Variants in NRXN2 observed in about 807,000 individuals in gnomAD.
NRXN2 encodes neurexin 2.
Under a neutral mutation model 128.8 loss-of-function variants are expected in NRXN2, and 29 were observed. That is an observed-to-expected ratio of 0.23 (90% confidence interval 0.17 to 0.31). The LOEUF is 0.31. Ranked by LOEUF, NRXN2 falls within the 10% of genes least tolerant of loss-of-function variation. The pLI is 1.00. For synonymous variants in NRXN2, 1,098 were observed against 1,075.2 expected (o/e 1.02, Z -0.41); for missense variants, 1,881 against 2,452.6 (o/e 0.77, Z 4.92).
rs142511257 is a variant in NRXN2 at position 64,650,465 on chromosome 11, C to T, written c.3092G>A (p.Arg1031Gln). ...RTVTQHSNGA[R>Q]NLDLKGELYI... is the part of the protein sequence containing the mutation. ...AGCCCCACCTTTGAGATCGAGGTTT[C>T]GGGCGCCATTGGAGTGCTGCGTGAC... Residue 1031 changes from arginine to glutamine, a missense_variant, in exon 15 of 23, where the codon CGA (arginine) becomes CAA (glutamine). Physicochemically the swap from Arg to Gln is conservative, Grantham distance 43. Around this residue, in one of 7 missense-constraint regions of NRXN2, gnomAD observed 390 missense variants for 599.6 expected, o/e 0.65. Transcript: ENST00000265459. 228 of 1,614,136 alleles carry T rather than the reference C, an allele frequency of 1.4e-4. No individual in the cohort carries two copies. The highest frequency in any genetic ancestry group is 1.8e-4 in the Non-Finnish European group (209 of 1,180,026).
intron 6 of NRXN2, among the ~76,000 whole-genome samples, chr11:64,683,051 C>A (rs891618287): frequency 1.3e-5 from 2 of 152,180 alleles, no homozygotes; most frequent in South Asian, 2.1e-4. Flanking sequence ...GGAATGGAGA[C>A]CCCTCAGTGC....
rs772151527 is a variant in NRXN2, at chr11:64,685,852, G to C, written c.946C>G (p.Leu316Val). The C allele has an allele frequency of 1.9e-6, 3 of 1,614,138 alleles. No individual in the cohort carries two copies. The highest frequency in any genetic ancestry group is 3.3e-5 in the Admixed American group (2 of 60,012). Residue 316 changes from leucine (L) to valine (V), a missense_variant, in exon 6 of 23, where the codon CTG becomes GTG. Leu to Val is a conservative substitution (Grantham distance 32). Around this residue, in one of 7 missense-constraint regions of NRXN2, gnomAD observed 997 missense variants for 1,240.8 expected, o/e 0.80. Transcript: ENST00000265459. ...PIQSSTDEITLAFRTLQRNGL... is the reference protein window; with the variant it reads ...PIQSSTDEITVAFRTLQRNGL... ...TTGCGTTGCAGGGTGCGGAAGGCCA[G>C]TGTGATCTCATCAGTGCTGCTCTGG... is the stretch of plus-strand genomic sequence containing the variant.
intron 15 of NRXN2, 25 bp downstream of exon 15, chr11:64,650,423 C>A: frequency 6.2e-7 from 1 of 1,613,234 alleles, no homozygotes; most frequent in Non-Finnish European, 8.5e-7. Context: ...TAGGGCCAGG[C>A]CTTCTCCAGA....
intron 22 of NRXN2, among the ~76,000 whole-genome samples, chr11:64,616,867 G>A (rs1031042804): frequency 9.9e-5 from 15 of 152,204 alleles, no homozygotes; most frequent in Non-Finnish European, 2.9e-5. Flanking sequence ...ACACACACAA[G>A]TGTGAACCTC....
chr11:64,693,113 A>G (rs948098393), intron 3 of NRXN2, among the ~76,000 whole-genome samples: 1 of 151,172 alleles, frequency 6.6e-6, no homozygotes, highest in Admixed American at 6.6e-5. Flanking sequence ...GGAGGGCACA[A>G]CAGGGGAAGA....
chr11:64,667,827 A>C lies in NRXN2; in HGVS notation c.1360-139T>G. The C allele has an allele frequency of 1.3e-6, 1 of 769,304 alleles. No homozygotes were observed. Among genetic ancestry groups the C allele is most frequent in the East Asian group, 2.6e-5 (1 of 37,992 alleles). 47.7% of individuals were successfully genotyped at this position (769,304 alleles called of 1,614,324 possible). ...CTCAGTTCCACCAGACCACCCGCTT[A>C]GGCCTCTGTTCTACAGCTTCAGACA... On this transcript the variant is annotated intron_variant, in intron 8 of 22. Coordinates refer to ENST00000265459, the MANE Select transcript of NRXN2 (RefSeq NM_015080.4). The surrounding 1 kb of genome is among the most constrained non-coding windows in gnomAD (Gnocchi z 5.6).
chr11:64,701,921 G>A (rs71526467), intron 2 of NRXN2, among the ~76,000 whole-genome samples: 27,541 of 125,664 alleles, frequency 0.22, 3,226 homozygotes, highest in East Asian at 0.47. Flanking sequence ...TCAGCCCCCC[G>A]CCCGGCCAGC....
At chr11:64,652,559 TG>T (rs1388705141) in intron 12 of NRXN2, among the ~76,000 whole-genome samples, 1 of 152,134 alleles carries the variant, frequency 6.6e-6, no homozygotes, top group African/African-American at 2.4e-5. Context: ...TCAGTGAGTG[TG>T]GCCAGAAGCT....
chr11:64,687,183 T>C (rs1036331513), intron 5 of NRXN2, among the ~76,000 whole-genome samples: 2 of 152,210 alleles, frequency 1.3e-5, no homozygotes, highest in Non-Finnish European at 2.9e-5. Flanking sequence ...TCTCAATAGA[T>C]GCTCCCAATG....
At chr11:64,694,855 C>T (rs1397205363) in intron 3 of NRXN2, among the ~76,000 whole-genome samples, 1 of 152,148 alleles carries the variant, frequency 6.6e-6, no homozygotes, top group African/African-American at 2.4e-5. Flanking sequence ...CTCTGCCCAC[C>T]CCCAGCCCAG....
At chr11:64,709,190 C>CAAAAAA (rs112450142) in intron 2 of NRXN2, among the ~76,000 whole-genome samples, 3 of 83,434 alleles carry the variant, frequency 3.6e-5, no homozygotes, top group Non-Finnish European at 8.3e-5. Context: ...GACTCCATCT[C>CAAAAAA]AAAAAAAAAA....
chr11:64,667,077 T>C lies in NRXN2; in HGVS notation c.1798+173A>G, dbSNP rs192783768. Among the ~76,000 whole-genome samples the C allele has an allele frequency of 1.3e-5, 2 of 152,222 alleles. No homozygotes were observed. Among genetic ancestry groups the C allele is most frequent in the Non-Finnish European group, 2.9e-5 (2 of 68,008 alleles). ...CCAAATGCTGTGCTCTTTCTGCCAA[T>C]GTCCGATGACAGAAAGGACAATTGG... On this transcript the variant is annotated intron_variant, in intron 9 of 22. Transcript: ENST00000265459. The surrounding 1 kb of genome is among the most constrained non-coding windows in gnomAD (Gnocchi z 5.6).
Position 64,623,460 on chromosome 11 carries a change from T to G in NRXN2, c.3848-382A>C, listed in dbSNP as rs903807182. On this transcript the variant is annotated intron_variant, in intron 20 of 22. Transcript: ENST00000265459. This position sits in a 1 kb window ranked among gnomAD's most constrained non-coding sequence, Gnocchi z 4.9. ...TCAGTCCATCCCCATCTTCTCCCTC[T>G]GCTTCCCCAAACATCCTGCCCCAGT... The G allele has an allele frequency of 3.6e-6, 1 of 280,880 alleles. No homozygotes were observed. The highest frequency in any genetic ancestry group is 6.9e-6 in the Non-Finnish European group (1 of 145,074). The allele number at this position is 280,880 out of a possible 1,614,324, so 17.4% of individuals were successfully genotyped here.
intron 22 of NRXN2, among the ~76,000 whole-genome samples, chr11:64,617,871 A>T (rs1225148176): frequency 6.6e-6 from 1 of 152,186 alleles, no homozygotes; most frequent in Non-Finnish European, 1.5e-5. Context: ...GTGGACGTGT[A>T]AGCATGTGCG....
chr11:64,620,237 C>T, intron 22 of NRXN2, 57 bp downstream of exon 22: 1 of 1,401,500 alleles, frequency 7.1e-7, no homozygotes, highest in East Asian at 2.5e-5. Flanking sequence ...ACAGTCGCCC[C>T]CCTCCCAGCA....
At chr11:64,698,762 C>T (rs1042726525) in intron 2 of NRXN2, among the ~76,000 whole-genome samples, 2 of 152,164 alleles carry the variant, frequency 1.3e-5, no homozygotes, top group Non-Finnish European at 2.9e-5. Flanking sequence ...GATGGAACAA[C>T]GAGAAGATGG....
chr11:64,644,062 T>G (rs2046270781), intron 17 of NRXN2, among the ~76,000 whole-genome samples: 1 of 151,930 alleles, frequency 6.6e-6, no homozygotes, highest in African/African-American at 2.4e-5. Flanking sequence ...GACACATACA[T>G]GCATGCATGT....
In NRXN2 at chr11:64,648,982, G is replaced by A; in HGVS notation, c.3110-75C>T. 6.7e-7 allele frequency: 1 copy of A among 1,501,600 alleles called. No homozygotes were observed. Among genetic ancestry groups the A allele is most frequent in the Non-Finnish European group, 9.3e-7 (1 of 1,080,870 alleles). 93.0% of individuals were successfully genotyped at this position (1,501,600 alleles called of 1,614,324 possible). On this transcript the variant is annotated intron_variant, in intron 15 of 22. Transcript: ENST00000265459. This position sits in a 1 kb window ranked among gnomAD's most constrained non-coding sequence, Gnocchi z 4.1. Reference sequence around the variant, plus strand: ...CAAGACAATGGCATCTGGCTGTCAGGTCCTCCCAGCCTTCTCAGGTTCTCT... The same window carrying A: ...CAAGACAATGGCATCTGGCTGTCAGATCCTCCCAGCCTTCTCAGGTTCTCT...
At chr11:64,661,354 C>T (rs2049006186) in intron 9 of NRXN2, 8 of 1,446,778 alleles carry the variant, frequency 5.5e-6, no homozygotes, top group East Asian at 2.5e-5. Context: ...GCTTCTGTGA[C>T]GCAGCCCCAG....
Sources: gnomAD v4.1 joint callset for allele counts (sites outside exome capture counted in the v4.1 genomes callset) on GRCh38, gnomAD v4.1.1 for gene constraint, gnomAD v4.1.1 regional missense constraint, Gnocchi (gnomAD v3.1) non-coding constraint, MANE v1.5 for transcripts, NCBI Gene and HGNC (gene_info 2026-07-23, HGNC 2026-07-21) for gene names.